Variants in ATF7 observed in about 807,000 individuals in gnomAD.
ATF7 encodes cyclic AMP-dependent transcription factor ATF-7.
In ATF7, 10 loss-of-function variants were observed where a neutral mutation model predicts 50.4. The observed-to-expected ratio is 0.20, with a 90% CI of 0.12 to 0.34. The LOEUF (loss-of-function observed/expected upper bound fraction) is 0.34. ATF7 is among the 10% of genes least tolerant of loss of function. ATF7 has a pLI of 1.00. For missense variants in ATF7, 465 were observed against 613.9 expected (o/e 0.76, Z 2.56); for synonymous variants, 201 against 226.4 (o/e 0.89, Z 1.01).
intron 2 of ATF7, among the ~76,000 whole-genome samples, chr12:53,577,717 G>GAAAAAAA (rs747036727): frequency 1.0e-5 from 1 of 96,314 alleles, no homozygotes; most frequent in African/African-American, 4.1e-5. Flanking sequence ...CTCCGTCTCT[G>GAAAAAAA]AAAAAAAAAA....
intron 1 of ATF7, among the ~76,000 whole-genome samples, chr12:53,606,929 A>G (rs1348420439): frequency 6.6e-6 from 1 of 152,052 alleles, no homozygotes; most frequent in Non-Finnish European, 1.5e-5. Flanking sequence ...TCCATGGTGT[A>G]TATGTGCCAA....
At chr12:53,585,617 T>G (rs896760979) in intron 2 of ATF7, among the ~76,000 whole-genome samples, 5 of 152,178 alleles carry the variant, frequency 3.3e-5, no homozygotes, top group African/African-American at 1.2e-4. Flanking sequence ...TTCATTCTCA[T>G]ACAGTGCTCA....
chr12:53,522,452 C>T (rs887729662), intron 11 of ATF7, among the ~76,000 whole-genome samples: 6 of 151,620 alleles, frequency 4.0e-5, no homozygotes, highest in African/African-American at 9.7e-5. Flanking sequence ...CCAGCTACTC[C>T]GGAGGCTGAG....
intron 4 of ATF7, among the ~76,000 whole-genome samples, chr12:53,539,758 A>T (rs1363034459): frequency 1.3e-5 from 2 of 152,026 alleles, no homozygotes; most frequent in African/African-American, 4.8e-5. Flanking sequence ...GACTGTGGCT[A>T]GTTCTGCCAT....
chr12:53,526,985 C>T (rs1316143143), intron 9 of ATF7, among the ~76,000 whole-genome samples: 1 of 150,576 alleles, frequency 6.6e-6, no homozygotes, highest in Non-Finnish European at 1.5e-5. Flanking sequence ...ATGGTGAAAC[C>T]CCGTCTCTAC....
At chr12:53,570,719 T>TA (rs1941697319) in intron 2 of ATF7, among the ~76,000 whole-genome samples, 1 of 145,370 alleles carries the variant, frequency 6.9e-6, no homozygotes, top group Non-Finnish European at 1.5e-5. Context: ...AACCTTCACA[T>TA]AGTGTTCTCC....
intron 11 of ATF7, among the ~76,000 whole-genome samples, chr12:53,519,869 C>A (rs1937998898): frequency 6.6e-6 from 1 of 152,036 alleles, no homozygotes; most frequent in Non-Finnish European, 1.5e-5. Context: ...GCCTCAGCTT[C>A]CCAACTAGGT....
At chr12:53,528,749 C>T (rs143470130) in intron 9 of ATF7, among the ~76,000 whole-genome samples, 1,584 of 150,680 alleles carry the variant, frequency 0.011, 27 homozygotes, top group African/African-American at 0.037. Context: ...GGTGACAGAG[C>T]GAGACTCCAT....
intron 9 of ATF7, among the ~76,000 whole-genome samples, chr12:53,530,642 C>T (rs1284930331): frequency 1.3e-5 from 2 of 152,094 alleles, no homozygotes; most frequent in Non-Finnish European, 2.9e-5. Context: ...AAGTCTCACT[C>T]TATCACCCAG....
chr12:53,549,464 C>T (rs1940178393), intron 3 of ATF7, among the ~76,000 whole-genome samples: 1 of 151,360 alleles, frequency 6.6e-6, no homozygotes, highest in Non-Finnish European at 1.5e-5. Context: ...AGTGCAATGG[C>T]ACAATCTTGG....
At chr12:53,564,368 T>G (rs778455439) in intron 2 of ATF7, among the ~76,000 whole-genome samples, 1 of 152,204 alleles carries the variant, frequency 6.6e-6, no homozygotes, top group Admixed American at 6.5e-5. Context: ...AGAGCAAGAC[T>G]CTGTTTCAAA....
chr12:53,560,024 G>A (rs1592870585), intron 2 of ATF7, among the ~76,000 whole-genome samples: 1 of 152,140 alleles, frequency 6.6e-6, no homozygotes, highest in East Asian at 1.9e-4. Context: ...CTGGGTTCAA[G>A]TGATTCTTCT....
At chr12:53,562,250 G>A (rs551892379) in intron 2 of ATF7, among the ~76,000 whole-genome samples, 11 of 152,306 alleles carry the variant, frequency 7.2e-5, no homozygotes, top group South Asian at 2.1e-4. Context: ...CACCTAGAAC[G>A]GTATCTGTAC....
Position 53,534,521 on chromosome 12 carries a change from G to C in ATF7, c.541C>G (p.Pro181Ala). The change falls in exon 6 of 12, where the codon CCA becomes GCA. Residue 181 changes from proline (P) to alanine (A), a missense_variant. By Grantham distance (27) the Pro-to-Ala change is conservative. Coordinates refer to ENST00000420353, the MANE Select transcript of ATF7 (RefSeq NM_006856.3). ...SPTSVITQAP[P>A]SNRQMGSPTG... ...ACTTACCCCATTTGCCTGTTGGATG[G>C]TGGAGCCTGTGTGATGACAGAGGTT... is the stretch of plus-strand genomic sequence containing the variant. 1 of 1,613,850 alleles carries C rather than the reference G, an allele frequency of 6.2e-7. No individual in the cohort carries two copies. Among genetic ancestry groups the C allele is most frequent in the Non-Finnish European group, 8.5e-7 (1 of 1,179,812 alleles).
intron 3 of ATF7, among the ~76,000 whole-genome samples, chr12:53,546,366 C>A (rs1461408601): frequency 2.5e-5 from 2 of 81,304 alleles, no homozygotes; most frequent in East Asian, 6.2e-4. Context: ...AGAGCCAGAA[C>A]CTGTCTCAAA....
intron 1 of ATF7, among the ~76,000 whole-genome samples, chr12:53,616,289 G>A (rs1944113649): frequency 6.6e-6 from 1 of 152,102 alleles, no homozygotes; most frequent in Non-Finnish European, 1.5e-5. Context: ...GTGGCGTGAT[G>A]TCAGCTCACT....
chr12:53,563,702 T>G (rs11170600), intron 2 of ATF7, among the ~76,000 whole-genome samples: 1 of 152,386 alleles, frequency 6.6e-6, no homozygotes, highest in East Asian at 1.9e-4. Flanking sequence ...CCTCTGGGCT[T>G]GCCCAGTTTG....
At chr12:53,603,483 T>C (rs1943483888) in intron 1 of ATF7, among the ~76,000 whole-genome samples, 2 of 152,178 alleles carry the variant, frequency 1.3e-5, no homozygotes, top group African/African-American at 4.8e-5. Flanking sequence ...TGACAGCCAC[T>C]AACTAGGATT....
chr12:53,570,540 T>A (rs961425672), intron 2 of ATF7, among the ~76,000 whole-genome samples: 1 of 152,138 alleles, frequency 6.6e-6, no homozygotes, highest in African/African-American at 2.4e-5. Flanking sequence ...AAATACAACA[T>A]ACCAGGTGGC....
Sources: gnomAD v4.1 joint callset for allele counts (sites outside exome capture counted in the v4.1 genomes callset) on GRCh38, gnomAD v4.1.1 for gene constraint, MANE v1.5 for transcripts, NCBI Gene and HGNC (gene_info 2026-07-23, HGNC 2026-07-21) for gene names.